The following DERPC variants were observed in gnomAD, a reference collection of about 807,000 sequenced individuals.
DERPC encodes the protein DERPC proline and glycine rich nuclear protein, also known as decreased expression in renal and prostate cancer protein.
A neutral mutation model predicts 7.2 loss-of-function variants in DERPC; 1 was observed. The observed-to-expected ratio is 0.14, with a 90% confidence interval of 0.05 to 0.66. DERPC has a LOEUF of 0.66. Among genes scored for constraint, DERPC ranks in the 30% least tolerant of loss-of-function variants. The pLI is 0.84. For missense variants in DERPC, 502 were observed against 299.4 expected (o/e 1.68, Z -4.99); for synonymous variants, 185 against 117.6 (o/e 1.57, Z -3.71).
chr16:69,125,386 CACTT>C (rs1961983717), intron 1 of DERPC, among the ~76,000 whole-genome samples: 1 of 152,176 alleles, frequency 6.6e-6, no homozygotes, highest in African/African-American at 2.4e-5. Context: ...CAGATGAAGT[CACTT>C]GCTTGTATGT....
Position 69,118,353 on chromosome 16 carries a change from A to C in DERPC, c.*501T>G. The C allele has an allele frequency of 6.3e-7, 1 of 1,589,186 alleles. No homozygotes were observed. Among genetic ancestry groups the C allele is most frequent in the Non-Finnish European group, 8.6e-7 (1 of 1,157,364 alleles). ...TGTCCATCTCCCTGTTCTGTGTTCA[A>C]GCCCCCAGGGAAAGGTATGGCAGTA... On this transcript the variant is annotated 3_prime_UTR_variant, in exon 3 of 3. Coordinates refer to ENST00000519520, the MANE Select transcript of DERPC (RefSeq NM_001002847.4).
chr16:69,128,273 T>C (rs958395153), intron 1 of DERPC, among the ~76,000 whole-genome samples: 2 of 152,160 alleles, frequency 1.3e-5, no homozygotes, highest in Non-Finnish European at 2.9e-5. Flanking sequence ...TGTCTTTCGT[T>C]AGGAACAATA....
At position 69,121,505 on chromosome 16, in the gene DERPC, A is replaced by G. The variant is rs1370928980; in HGVS notation, c.-279-12T>C. On this transcript the variant is annotated splice_polypyrimidine_tract_variant and intron_variant, in intron 1 of 2. Coordinates refer to ENST00000519520, the MANE Select transcript of DERPC (RefSeq NM_001002847.4). ...CAAGTGAAAACAAGCTGTAGAGAGA[A>G]AAAAAGAGATTTAGGGTAATAACAA... 1 of 1,534,146 alleles carries G rather than the reference A, an allele frequency of 6.5e-7. No individual in the cohort carries two copies. Among genetic ancestry groups the G allele is most frequent in the Admixed American group, 2.0e-5 (1 of 50,376 alleles).
chr16:69,123,297 T>C (rs1961816799), intron 1 of DERPC, among the ~76,000 whole-genome samples: 1 of 152,176 alleles, frequency 6.6e-6, no homozygotes, highest in Non-Finnish European at 1.5e-5. Context: ...CTTTTTTCTT[T>C]GGTAATGATG....
intron 1 of DERPC, among the ~76,000 whole-genome samples, chr16:69,129,659 A>C (rs1962352724): frequency 6.6e-6 from 1 of 152,152 alleles, no homozygotes; most frequent in African/African-American, 2.4e-5. Context: ...ACTTAAGTGG[A>C]GAGCTGGGAT....
chr16:69,118,177 GTTCT>G lies in DERPC; in HGVS notation c.*673_*676del, dbSNP rs760724893. On this transcript the variant is annotated 3_prime_UTR_variant, in exon 3 of 3. Coordinates refer to ENST00000519520, the MANE Select transcript of DERPC (RefSeq NM_001002847.4). Reference sequence around the variant, plus strand: ...CATCCACATCAGTTTAAATTTTGAGGTTCTTTGATTGATTGGGAGTACCAGTGAA... The same window carrying G: ...CATCCACATCAGTTTAAATTTTGAGGTTGATTGATTGGGAGTACCAGTGAA... 7.9e-6 allele frequency: 4 copies of G among 509,548 alleles called. No individual in the cohort carries two copies. Among genetic ancestry groups the G allele is most frequent in the Non-Finnish European group, 1.4e-5 (4 of 279,656 alleles). The allele number at this position is 509,548 out of a possible 1,614,324, so 31.6% of individuals were successfully genotyped here. A position where few individuals can be genotyped will look rare whatever the true frequency, so the allele number is the denominator to read the frequency against.
Position 69,118,813 on chromosome 16 carries a change from A to C in DERPC, c.*41T>G, listed in dbSNP as rs1372594108. 3.0e-6 allele frequency: 2 copies of C among 673,810 alleles called. No homozygotes were observed. Among genetic ancestry groups the C allele is most frequent in the South Asian group, 3.2e-5 (2 of 62,108 alleles). 41.7% of individuals were successfully genotyped at this position (673,810 alleles called of 1,614,324 possible). On this transcript the variant is annotated 3_prime_UTR_variant, in exon 3 of 3. Transcript: ENST00000519520. ...TAAGACAGCCCCTGCCAAGAACCAC[A>C]GTGCCTAGAAACCAAGGTGGTCCTG...
chr16:69,131,643 A>C, intron 1 of DERPC, among the ~76,000 whole-genome samples: 1 of 136,908 alleles, frequency 7.3e-6, no homozygotes, highest in Non-Finnish European at 1.6e-5. Flanking sequence ...AGCTGTTTTA[A>C]CCCCTTTTCC....
At chr16:69,122,465 C>T (rs1234974934) in intron 1 of DERPC, among the ~76,000 whole-genome samples, 2 of 151,748 alleles carry the variant, frequency 1.3e-5, no homozygotes, top group Non-Finnish European at 2.9e-5. Flanking sequence ...CTCTGCTTCC[C>T]GGGTTCAAGT....
At chr16:69,126,925 T>C (rs1422854194) in intron 1 of DERPC, among the ~76,000 whole-genome samples, 1 of 152,080 alleles carries the variant, frequency 6.6e-6, no homozygotes, top group African/African-American at 2.4e-5. Flanking sequence ...GCAGGGAGTA[T>C]ATATTTCATT....
intron 1 of DERPC, among the ~76,000 whole-genome samples, chr16:69,122,517 T>C (rs1486349891): frequency 6.6e-6 from 1 of 150,838 alleles, no homozygotes; most frequent in African/African-American, 2.4e-5. Context: ...GGATTACAGG[T>C]GCATGTCACC....
In DERPC at chr16:69,120,672, T is replaced by G. The variant is rs367684990; in HGVS notation, c.-221-23A>C. The G allele has an allele frequency of 1.3e-6, 2 of 1,592,802 alleles. No individual in the cohort carries two copies. Among genetic ancestry groups the G allele is most frequent in the African/African-American group, 2.7e-5 (2 of 74,434 alleles). ...TCCCTTTGGCAGAACAAGAACGAGA[T>G]TCCTGAGGTTCCGGGGCAAGGCCAT... On this transcript the variant is annotated intron_variant, in intron 2 of 2. Coordinates refer to ENST00000519520, the MANE Select transcript of DERPC (RefSeq NM_001002847.4). This position sits in a 1 kb window ranked among gnomAD's most constrained non-coding sequence, Gnocchi z 4.0.
Position 69,118,486 on chromosome 16 carries a change from G to A in DERPC, c.*368C>T, listed in dbSNP as rs763004437. ...GAGCTGATTCTCCAATGGTGAGCAGGGGACTACATGTGAACTGGGACCTGC... is the reference window on the plus strand; with the variant it reads ...GAGCTGATTCTCCAATGGTGAGCAGAGGACTACATGTGAACTGGGACCTGC... On this transcript the variant is annotated 3_prime_UTR_variant, in exon 3 of 3. Transcript: ENST00000519520. The A allele has an allele frequency of 1.4e-6, 2 of 1,381,938 alleles. No homozygotes were observed. The highest frequency in any genetic ancestry group is 1.2e-5 in the South Asian group (1 of 86,646). 85.6% of individuals were successfully genotyped at this position (1,381,938 alleles called of 1,614,324 possible).
rs779776642 is a variant in DERPC at position 69,121,499 on chromosome 16, G to A, written c.-279-6C>T. On this transcript the variant is annotated splice_region_variant and splice_polypyrimidine_tract_variant and intron_variant, in intron 1 of 2. Coordinates refer to ENST00000519520, the MANE Select transcript of DERPC (RefSeq NM_001002847.4). ...AAAAAGCAAGTGAAAACAAGCTGTAGAGAGAAAAAAAGAGATTTAGGGTAA... is the reference window on the plus strand; with the variant it reads ...AAAAAGCAAGTGAAAACAAGCTGTAAAGAGAAAAAAAGAGATTTAGGGTAA... 37 of 1,564,438 alleles carry A rather than the reference G, an allele frequency of 2.4e-5. No individual in the cohort carries two copies. Among genetic ancestry groups the A allele is most frequent in the Non-Finnish European group, 2.4e-5 (28 of 1,152,168 alleles).
At chr16:69,121,304 A>C (rs957968029) in intron 2 of DERPC, 132 bp downstream of exon 2, 1 of 1,213,038 alleles carries the variant, frequency 8.2e-7, no homozygotes, top group African/African-American at 1.5e-5. Context: ...AGTGCTAGGC[A>C]TGGAACTAGA....
Position 69,119,577 on chromosome 16 carries a change from A to C in DERPC, c.852T>G (p.Leu284=), listed in dbSNP as rs1393657159. ...DLAPILRAAG[L]LGANSASFSQ... ...AGAAAGAAGCTGAATTTGCTCCTAA[A>C]AGACCTGCTGCTCTTAGAATGGGGG... Residue 284 remains leucine, a synonymous_variant, in exon 3 of 3, where the codon CTT becomes CTG. Transcript: ENST00000519520. 7.1e-6 allele frequency: 5 copies of C among 702,368 alleles called. No homozygotes were observed. Among genetic ancestry groups the C allele is most frequent in the Admixed American group, 2.0e-5 (1 of 49,924 alleles). The allele number at this position is 702,368 out of a possible 1,614,324, so 43.5% of individuals were successfully genotyped here.
At chr16:69,121,905 G>A (rs1262033047) in intron 1 of DERPC, among the ~76,000 whole-genome samples, 5 of 152,102 alleles carry the variant, frequency 3.3e-5, no homozygotes, top group Non-Finnish European at 7.4e-5. Context: ...TCCTGACCTC[G>A]TGATCCACCC....
intron 1 of DERPC, among the ~76,000 whole-genome samples, chr16:69,127,223 G>C (rs1444001631): frequency 6.8e-6 from 1 of 148,082 alleles, no homozygotes; most frequent in African/African-American, 2.5e-5. Context: ...GGGCAACAAA[G>C]AGCAAAACTC....
Position 69,118,563 on chromosome 16 carries a change from TAAGA to T in DERPC, c.*287_*290del. ...CCACAAGAACAATTCAAGAAACTAGTAAGAAACAATGGGCAGAAAGCTGTGGGAC... is the reference window on the plus strand; with the variant it reads ...CCACAAGAACAATTCAAGAAACTAGTAACAATGGGCAGAAAGCTGTGGGAC... On this transcript the variant is annotated 3_prime_UTR_variant, in exon 3 of 3. Transcript: ENST00000519520. 1.3e-6 allele frequency: 1 copy of T among 779,752 alleles called. No homozygotes were observed. The highest frequency in any genetic ancestry group is 2.3e-6 in the Non-Finnish European group (1 of 437,236). The allele number at this position is 779,752 out of a possible 1,614,324, so 48.3% of individuals were successfully genotyped here. A position where few individuals can be genotyped will look rare whatever the true frequency, so the allele number is the denominator to read the frequency against.
Sources: gnomAD v4.1 joint callset for allele counts (sites outside exome capture counted in the v4.1 genomes callset) on GRCh38, gnomAD v4.1.1 for gene constraint, Gnocchi (gnomAD v3.1) non-coding constraint, MANE v1.5 for transcripts, NCBI Gene and HGNC (gene_info 2026-07-23, HGNC 2026-07-21) for gene names.